The following GRIK4 variants were observed in gnomAD, a reference collection of about 807,000 sequenced individuals.
The protein encoded by GRIK4 is glutamate receptor ionotropic, kainate 4.
GRIK4 carries 40 observed loss-of-function variants against 104.9 expected under a neutral mutation model. The ratio of observed to expected loss-of-function variants is 0.38; its 90% confidence interval spans 0.30 to 0.50. The LOEUF is 0.50. Among genes scored for constraint, GRIK4 ranks in the 20% least tolerant of loss-of-function variants. The probability of loss-of-function intolerance (pLI) is 0.93; values close to 1 mark genes in which losing one functional copy is unlikely to be tolerated. For missense variants in GRIK4, 1,047 were observed against 1,308.1 expected, an observed-to-expected ratio of 0.80 and a Z score of 3.08; for synonymous variants, 485 against 524.9, an observed-to-expected ratio of 0.92 and a Z score of 1.04.
chr11:120,988,833 G>T lies in GRIK4; in HGVS notation c.*2573G>T, dbSNP rs576444895. ...TTAGTGATGGATGACAGCTGTTTGG[G>T]TTTAGAAAGTATGGTTCAGTGTGTC... is the stretch of plus-strand genomic sequence containing the variant. On this transcript the variant is annotated 3_prime_UTR_variant, in exon 21 of 21. Coordinates refer to ENST00000527524, the MANE Select transcript of GRIK4 (RefSeq NM_014619.5). 3.3e-5 allele frequency: 5 copies of T among 152,286 alleles called. No homozygotes were observed. The East Asian group carries it at 9.6e-4, about 29-fold the overall frequency. The allele number at this position is 152,286 out of a possible 1,614,324, so 9.4% of individuals were successfully genotyped here.
chr11:120,702,759 A>G (rs12285821), intron 3 of GRIK4, among the ~76,000 whole-genome samples: 1,947 of 152,250 alleles, frequency 0.013, 44 homozygotes, highest in African/African-American at 0.044. Flanking sequence ...TTTTTGTTTC[A>G]CTTTGTTTTT....
At chr11:120,592,035 G>A (rs577428003) in intron 1 of GRIK4, among the ~76,000 whole-genome samples, 1 of 152,288 alleles carries the variant, frequency 6.6e-6, no homozygotes, top group South Asian at 2.1e-4. Context: ...CTAGAATGCA[G>A]GTGGACCTCT....
rs774422267 is a variant in GRIK4, at chr11:120,893,685, C to T, written c.1165-4847C>T. On this transcript the variant is annotated intron_variant, in intron 11 of 20. Transcript: ENST00000527524. ...CCTGCAAGAGTCCGTTGTACACATC[C>T]GTTCCCAGCTCTGTGCTTGGTGACA... Among the ~76,000 whole-genome samples, 11 of 152,352 alleles carry T rather than the reference C, an allele frequency of 7.2e-5. No individual in the cohort carries two copies. The East Asian group carries it at 1.3e-3, about 19-fold the overall frequency.
chr11:120,652,736 A>T (rs1246635663), intron 1 of GRIK4, among the ~76,000 whole-genome samples: 1 of 152,046 alleles, frequency 6.6e-6, no homozygotes, highest in Non-Finnish European at 1.5e-5. Context: ...CCCCACAGAG[A>T]CTGGTGGCTA....
chr11:120,768,603 A>T (rs1951882437), intron 3 of GRIK4, among the ~76,000 whole-genome samples: 1 of 152,228 alleles, frequency 6.6e-6, no homozygotes. Context: ...TTACATGGGC[A>T]TTCCTGCCTT....
chr11:120,626,466 T>C (rs1949260662), intron 1 of GRIK4, among the ~76,000 whole-genome samples: 1 of 151,990 alleles, frequency 6.6e-6, no homozygotes, highest in Non-Finnish European at 1.5e-5. Context: ...ATGTCTTATG[T>C]GTGTGGGGAG....
chr11:120,654,026 A>G (rs1356020078), intron 2 of GRIK4, among the ~76,000 whole-genome samples: 3 of 152,118 alleles, frequency 2.0e-5, no homozygotes, highest in Non-Finnish European at 2.9e-5. Flanking sequence ...CTGTCTTCCA[A>G]ACTACCTAAA....
At chr11:120,951,774 G>T (rs1268319575) in intron 14 of GRIK4, among the ~76,000 whole-genome samples, 1 of 152,246 alleles carries the variant, frequency 6.6e-6, no homozygotes, top group Non-Finnish European at 1.5e-5. Context: ...GCTTCAGCCA[G>T]TTGGGAAGTT....
intron 3 of GRIK4, among the ~76,000 whole-genome samples, chr11:120,700,781 A>G (rs1304079060): frequency 6.6e-6 from 1 of 152,094 alleles, no homozygotes; most frequent in African/African-American, 2.4e-5. Flanking sequence ...TAGTAGAGAC[A>G]GGGTTTCACC....
chr11:120,705,166 G>T (rs189989225), intron 3 of GRIK4, among the ~76,000 whole-genome samples: 73 of 151,796 alleles, frequency 4.8e-4, no homozygotes, highest in African/African-American at 1.7e-3. Context: ...TGTTGTTTTG[G>T]CTGTTCATAG....
intron 3 of GRIK4, among the ~76,000 whole-genome samples, chr11:120,672,599 T>C (rs548868363): frequency 1.3e-5 from 2 of 152,356 alleles, no homozygotes; most frequent in Admixed American, 6.5e-5. Flanking sequence ...TCCTCTCTTA[T>C]TTCCTTGAGC....
At position 120,521,356 on chromosome 11, in the gene GRIK4, G is replaced by A. The variant is rs565191183; in HGVS notation, c.-159+9469G>A. On this transcript the variant is annotated intron_variant, in intron 1 of 20. Transcript: ENST00000527524. ...AAAAGTGCTGGGATTACAGGTGTGC[G>A]CCACCACGCCCGGCCCACAATGCCA... 1.2e-4 allele frequency among the ~76,000 whole-genome samples: 18 copies of A among 152,054 alleles called. 1 individual carries two copies. Among genetic ancestry groups the A allele is most frequent in the South Asian group, 4.2e-4 (2 of 4,804 alleles).
At chr11:120,581,877 G>A (rs958152397) in intron 1 of GRIK4, among the ~76,000 whole-genome samples, 1 of 151,724 alleles carries the variant, frequency 6.6e-6, no homozygotes, top group African/African-American at 2.4e-5. Flanking sequence ...CGTGATCTCG[G>A]CTCACTGCAA....
chr11:120,727,503 GA>G (rs1951051737), intron 3 of GRIK4, among the ~76,000 whole-genome samples: 1 of 152,072 alleles, frequency 6.6e-6, no homozygotes, highest in African/African-American at 2.4e-5. Context: ...ATTTTACATA[GA>G]AATGAAATGA....
intron 13 of GRIK4, among the ~76,000 whole-genome samples, chr11:120,938,402 A>G (rs1943643997): frequency 6.6e-6 from 1 of 152,236 alleles, no homozygotes; most frequent in Non-Finnish European, 1.5e-5. Flanking sequence ...TCTGCACCCT[A>G]GTTGCTTTTT....
At chr11:120,589,443 G>A (rs1226654678) in intron 1 of GRIK4, among the ~76,000 whole-genome samples, 2 of 152,144 alleles carry the variant, frequency 1.3e-5, no homozygotes. Context: ...ACCTGCTTTT[G>A]ACTGAAGATA....
chr11:120,669,867 A>T (rs982886218), intron 3 of GRIK4, among the ~76,000 whole-genome samples: 1 of 152,088 alleles, frequency 6.6e-6, no homozygotes, highest in Non-Finnish European at 1.5e-5. Flanking sequence ...TATGCTTATG[A>T]CTCTCTAATC....
At chr11:120,831,041 A>T (rs566220841) in intron 6 of GRIK4, among the ~76,000 whole-genome samples, 7 of 152,060 alleles carry the variant, frequency 4.6e-5, no homozygotes, top group South Asian at 4.2e-4. Context: ...GAGAGGAGGG[A>T]GTGAGGGAGG....
intron 4 of GRIK4, among the ~76,000 whole-genome samples, chr11:120,813,138 G>A (rs1318447813): frequency 6.6e-6 from 1 of 152,230 alleles, no homozygotes; most frequent in Non-Finnish European, 1.5e-5. Context: ...AGTGCTGGGT[G>A]TAGGAGTGGC....
Sources: allele counts gnomAD v4.1 joint callset (sites outside exome capture counted in the v4.1 genomes callset), GRCh38; gene constraint gnomAD v4.1.1; transcripts MANE v1.5; gene names NCBI Gene and HGNC (gene_info 2026-07-23, HGNC 2026-07-21).